SIN3A: variants seen among roughly 807,000 people sequenced by gnomAD.
SIN3A encodes SIN3 transcription regulator family member A.
A neutral mutation model predicts 146.1 loss-of-function variants in SIN3A; 14 were observed. The observed-to-expected ratio is 0.10, with a 90% CI of 0.06 to 0.15. The LOEUF (loss-of-function observed/expected upper bound fraction) is 0.15. SIN3A is among the 10% of genes least tolerant of loss of function. The pLI is 1.00. For missense variants in SIN3A, 1,028 were observed against 1,576.0 expected (o/e 0.65, Z 5.89); for synonymous variants, 572 against 572.0 (o/e 1.00, Z 0.00).
At chr15:75,390,731 C>T (rs951117636) in intron 15 of SIN3A, among the ~76,000 whole-genome samples, 3 of 152,146 alleles carry the variant, frequency 2.0e-5, no homozygotes, top group Admixed American at 1.3e-4. Context: ...TCTATATATA[C>T]ATGCCGTACC....
At chr15:75,415,854 GAA>G (rs397946961) in intron 3 of SIN3A, 305 of 96,150 alleles carry the variant, frequency 3.2e-3, no homozygotes, top group South Asian at 9.9e-3. Flanking sequence ...TCGGTCTCAG[GAA>G]AAAAAAAAAA....
At chr15:75,430,053 A>G (rs1304923290) in intron 2 of SIN3A, 134 bp downstream of exon 2, 2 of 681,628 alleles carry the variant, frequency 2.9e-6, no homozygotes, top group East Asian at 2.7e-5. Flanking sequence ...GTGAGTACAC[A>G]GTTATTTTTT....
intron 15 of SIN3A, among the ~76,000 whole-genome samples, 185 bp downstream of exon 15, chr15:75,392,057 C>T (rs2073214261): frequency 6.6e-6 from 1 of 152,198 alleles, no homozygotes; most frequent in African/African-American, 2.4e-5. Context: ...GCATAGGATA[C>T]TTTGCACAAA....
intron 1 of SIN3A, among the ~76,000 whole-genome samples, chr15:75,448,972 T>C (rs988564492): frequency 1.3e-5 from 2 of 152,256 alleles, no homozygotes; most frequent in Admixed American, 6.5e-5. Context: ...AACAAAATTA[T>C]AGTATATAAA....
At chr15:75,383,843 T>C (rs1257287053) in intron 17 of SIN3A, among the ~76,000 whole-genome samples, 2 of 152,164 alleles carry the variant, frequency 1.3e-5, no homozygotes, top group African/African-American at 4.8e-5. Flanking sequence ...TTGCCCAAGC[T>C]GGTCTCAAGT....
intron 1 of SIN3A, among the ~76,000 whole-genome samples, chr15:75,450,180 T>G (rs1207828406): frequency 7.0e-6 from 1 of 143,410 alleles, no homozygotes; most frequent in Non-Finnish European, 1.5e-5. Flanking sequence ...TCTGAGTTCT[T>G]AAAAAAAAAA....
chr15:75,398,117 C>A (rs2073338110), intron 12 of SIN3A, among the ~76,000 whole-genome samples: 1 of 152,144 alleles, frequency 6.6e-6, no homozygotes, highest in African/African-American at 2.4e-5. Context: ...AACAAACAAA[C>A]AAACAAAAAC....
In SIN3A at chr15:75,371,663, T is replaced by C. The variant is rs951622398; in HGVS notation, c.*316A>G. 3.2e-6 allele frequency: 1 copy of C among 310,936 alleles called. No individual in the cohort carries two copies. The highest frequency in any genetic ancestry group is 5.9e-6 in the Non-Finnish European group (1 of 168,420). The allele number at this position is 310,936 out of a possible 1,614,324, so 19.3% of individuals were successfully genotyped here. Reference sequence around the variant, plus strand: ...CATTGAAAGTTAGGCCACAGGAGACTCCAGTCTTAGCTCTGCTGGTGTGTG... The same window carrying C: ...CATTGAAAGTTAGGCCACAGGAGACCCCAGTCTTAGCTCTGCTGGTGTGTG... On this transcript the variant is annotated 3_prime_UTR_variant, in exon 21 of 21. Transcript: ENST00000394947.
chr15:75,446,212 G>A (rs1012692893), intron 1 of SIN3A: 2 of 151,922 alleles, frequency 1.3e-5, no homozygotes, highest in Non-Finnish European at 2.9e-5. Context: ...TTGTAGATAA[G>A]AATGGTCAGA....
At chr15:75,402,807 C>G (rs147100879) in intron 9 of SIN3A, among the ~76,000 whole-genome samples, 306 of 151,946 alleles carry the variant, frequency 2.0e-3, no homozygotes, top group African/African-American at 7.0e-3. Flanking sequence ...GATAATTTTT[C>G]TATTTTTAGT....
At position 75,389,691 on chromosome 15, in the gene SIN3A, G is replaced by A; in HGVS notation, c.2982C>T (p.Ala994=). 6.2e-7 allele frequency: 1 copy of A among 1,614,130 alleles called. No individual in the cohort carries two copies. Among genetic ancestry groups the A allele is most frequent in the Non-Finnish European group, 8.5e-7 (1 of 1,180,010 alleles). ...REMFTIHAYI[A]FTMDKLIQSI... is the part of the protein sequence containing the mutation. ...TCTGGATCAGTTTGTCCATGGTAAAGGCAATGTAGGCATGAATGGTGAACA... is the reference window on the plus strand; with the variant it reads ...TCTGGATCAGTTTGTCCATGGTAAAAGCAATGTAGGCATGAATGGTGAACA... The change falls in exon 16 of 21, where the codon GCC becomes GCT. Residue 994 remains alanine, a synonymous_variant. Coordinates refer to ENST00000394947, the MANE Select transcript of SIN3A (RefSeq NM_001145358.2).
chr15:75,412,638 T>G, intron 5 of SIN3A, 125 bp downstream of exon 5: 1 of 1,011,410 alleles, frequency 9.9e-7, no homozygotes, highest in Non-Finnish European at 1.4e-6. Context: ...ATACAGCATT[T>G]TTCTATGACG....
chr15:75,401,750 G>GT, intron 10 of SIN3A, 102 bp downstream of exon 10: 1 of 717,604 alleles, frequency 1.4e-6, no homozygotes, highest in South Asian at 1.7e-5. Flanking sequence ...GTCAACTGAT[G>GT]TATCTCAAGT....
intron 5 of SIN3A, among the ~76,000 whole-genome samples, chr15:75,412,479 C>T (rs2073659102): frequency 6.6e-6 from 1 of 152,214 alleles, no homozygotes; most frequent in African/African-American, 2.4e-5. Context: ...TCAACTACTA[C>T]TACACAAAGT....
In SIN3A at chr15:75,407,892, C is replaced by CAAAAAA. The variant is rs775913884; in HGVS notation, c.1318-754_1318-749dup. On this transcript the variant is annotated intron_variant, in intron 8 of 20. Transcript: ENST00000394947. The stretch of plus-strand genomic sequence containing the variant: ...TGGGCAACAGAGTGAGACTCCATCT[C>CAAAAAA]AAAAAAAAAAAAAAAAAAAAAAAAA... 1.3e-3 allele frequency among the ~76,000 whole-genome samples: 32 copies of CAAAAAA among 24,656 alleles called. 7 individuals are homozygous for CAAAAAA. The highest frequency in any genetic ancestry group is 4.6e-3 in the East Asian group (2 of 438). The allele number at this position is 24,656 out of a possible 152,430, so 16.2% of individuals were successfully genotyped here.
intron 1 of SIN3A, 150 bp downstream of exon 1, chr15:75,451,273 C>G (rs2074402613): frequency 1.6e-5 from 2 of 128,654 alleles, no homozygotes; most frequent in South Asian, 5.6e-4. Context: ...GCTCCGCCCC[C>G]CACCCCCCTC....
At chr15:75,438,327 C>T (rs1393957307) in intron 1 of SIN3A, among the ~76,000 whole-genome samples, 3 of 151,998 alleles carry the variant, frequency 2.0e-5, no homozygotes, top group East Asian at 3.9e-4. Flanking sequence ...ATCGCGCCAC[C>T]GCATTCCAGC....
intron 1 of SIN3A, among the ~76,000 whole-genome samples, chr15:75,444,123 G>C (rs187809869): frequency 6.6e-6 from 1 of 152,048 alleles, no homozygotes; most frequent in Non-Finnish European, 1.5e-5. Flanking sequence ...ACATTGTTTC[G>C]ATGTACAAGT....
intron 9 of SIN3A, among the ~76,000 whole-genome samples, chr15:75,406,802 A>C (rs1195024908): frequency 1.3e-5 from 2 of 152,258 alleles, no homozygotes; most frequent in Non-Finnish European, 2.9e-5. Flanking sequence ...TTTCAAGAGA[A>C]ACATAATACA....
Sources: gnomAD v4.1 joint callset for allele counts (sites outside exome capture counted in the v4.1 genomes callset) on GRCh38, gnomAD v4.1.1 for gene constraint, MANE v1.5 for transcripts, NCBI Gene and HGNC (gene_info 2026-07-23, HGNC 2026-07-21) for gene names.